Variants in MAN1C1 observed in about 807,000 individuals in gnomAD.
MAN1C1 encodes mannosidase alpha class 1C member 1, also known as mannosyl-oligosaccharide 1,2-alpha-mannosidase IC.
MAN1C1 carries 49 observed loss-of-function variants against 71.5 expected under a neutral mutation model. The observed-to-expected ratio is 0.69, with a 90% CI of 0.54 to 0.87. The LOEUF (loss-of-function observed/expected upper bound fraction) is 0.87. Ranked by LOEUF, MAN1C1 falls within the 40% of genes least tolerant of loss-of-function variation. The pLI, the probability that MAN1C1 is intolerant of heterozygous loss-of-function variation, is 0.00. For missense variants in MAN1C1, 743 were observed against 835.0 expected, an observed-to-expected ratio of 0.89 and a Z score of 1.36; for synonymous variants, 352 against 343.7, an observed-to-expected ratio of 1.02 and a Z score of -0.27.
intron 5 of MAN1C1, 49 bp from the exon 6 acceptor site, chr1:25,758,543 G>C (rs2047319083): frequency 6.7e-7 from 1 of 1,486,808 alleles, no homozygotes; most frequent in Admixed American, 2.0e-5. Context: ...CAGCAGAGGA[G>C]CCAGCCTGGC....
At chr1:25,705,100 G>A (rs1049145533) in intron 2 of MAN1C1, among the ~76,000 whole-genome samples, 10 of 151,924 alleles carry the variant, frequency 6.6e-5, no homozygotes, top group Non-Finnish European at 1.3e-4. Flanking sequence ...TACTCGATCC[G>A]TTTTTTTCTC....
rs1348762894 is a variant in MAN1C1, at chr1:25,769,993, C to T, written c.1142-1664C>T. 3.3e-5 allele frequency among the ~76,000 whole-genome samples: 5 copies of T among 152,166 alleles called. No homozygotes were observed. ...ATGAGGTGGGGAGGGTGCGCCACAC[C>T]GAGAGGTGACAGTGCTCGTAGCTGC... On this transcript the variant is annotated intron_variant, in intron 7 of 11. Coordinates refer to ENST00000374332, the MANE Select transcript of MAN1C1 (RefSeq NM_020379.4). This position sits in a 1 kb window ranked among gnomAD's most constrained non-coding sequence, Gnocchi z 4.8.
chr1:25,695,112 T>C (rs2046353724), intron 2 of MAN1C1, among the ~76,000 whole-genome samples: 1 of 152,130 alleles, frequency 6.6e-6, no homozygotes. Context: ...AAAAAATCCA[T>C]AGCTCCTGGA....
At chr1:25,659,062 A>G (rs1226130948) in intron 1 of MAN1C1, 1 of 152,406 alleles carries the variant, frequency 6.6e-6, no homozygotes, top group Non-Finnish European at 1.5e-5. Context: ...CTGAGGAAGG[A>G]CTGGAGCTGC....
chr1:25,766,730 G>T (rs1234924880), intron 7 of MAN1C1, among the ~76,000 whole-genome samples: 1 of 152,112 alleles, frequency 6.6e-6, no homozygotes, highest in African/African-American at 2.4e-5. Flanking sequence ...CCTGAGAGCT[G>T]CCGAGGAGGG....
chr1:25,745,246 C>A (rs1293598128), intron 2 of MAN1C1, among the ~76,000 whole-genome samples: 1 of 152,184 alleles, frequency 6.6e-6, no homozygotes, highest in Non-Finnish European at 1.5e-5. Context: ...AGGGGCCAGG[C>A]CTCGTAGCTG....
In MAN1C1 at chr1:25,778,349, GCAGGAGAGACTGAGGCTAGACAC is replaced by G; in HGVS notation, c.1477+31_1477+53del. 1 of 1,586,128 alleles carries G rather than the reference GCAGGAGAGACTGAGGCTAGACAC, an allele frequency of 6.3e-7. No homozygotes were observed. Among genetic ancestry groups the G allele is most frequent in the Non-Finnish European group, 8.6e-7 (1 of 1,162,376 alleles). On this transcript the variant is annotated intron_variant, in intron 9 of 11. Transcript: ENST00000374332. The surrounding 1 kb of genome is among the most constrained non-coding windows in gnomAD (Gnocchi z 5.5). ...GGTAACCCTGCAAGGGGAAGGGGCA[GCAGGAGAGACTGAGGCTAGACAC>G]CAGGAAGAACTGGAAAGACCGGCAG...
intron 1 of MAN1C1, among the ~76,000 whole-genome samples, chr1:25,672,387 G>A (rs1349777545): frequency 1.3e-5 from 2 of 152,296 alleles, no homozygotes; most frequent in Non-Finnish European, 2.9e-5. Flanking sequence ...ATCCTGAAAA[G>A]AATACTTTCC....
intron 2 of MAN1C1, among the ~76,000 whole-genome samples, chr1:25,722,819 T>C (rs1004119017): frequency 5.3e-5 from 8 of 152,216 alleles, no homozygotes; most frequent in Admixed American, 4.6e-4. Flanking sequence ...ATCTGTGTGG[T>C]GAGTGGGCTC....
chr1:25,783,005 A>C (rs1227398229), intron 11 of MAN1C1, among the ~76,000 whole-genome samples: 1 of 152,158 alleles, frequency 6.6e-6, no homozygotes, highest in Non-Finnish European at 1.5e-5. Flanking sequence ...CTCGTGTGTA[A>C]AATGGGATAG....
chr1:25,671,542 G>A (rs535676161), intron 1 of MAN1C1, among the ~76,000 whole-genome samples: 338 of 152,318 alleles, frequency 2.2e-3, no homozygotes, highest in Non-Finnish European at 4.3e-3. Context: ...ATAGGGGGCC[G>A]TAGGAGGATA....
chr1:25,719,198 G>A (rs1421015439), intron 2 of MAN1C1, among the ~76,000 whole-genome samples: 2 of 149,436 alleles, frequency 1.3e-5, no homozygotes, highest in Non-Finnish European at 3.0e-5. Flanking sequence ...TCAGCCTCCC[G>A]AGTAGCTGGG....
In MAN1C1 at chr1:25,764,139, G is replaced by A. The variant is rs1328266253; in HGVS notation, c.1141+172G>A. 1.3e-5 allele frequency among the ~76,000 whole-genome samples: 2 copies of A among 152,316 alleles called. No homozygotes were observed. Among genetic ancestry groups the A allele is most frequent in the South Asian group, 4.1e-4 (2 of 4,820 alleles). On this transcript the variant is annotated intron_variant, in intron 7 of 11. Transcript: ENST00000374332. The surrounding 1 kb of genome is among the most constrained non-coding windows in gnomAD (Gnocchi z 4.4). ...CACCTGCCTTCCCATGCATCCTGGG[G>A]GCTTGCCTGTGGTTGTCTGCTGCTG...
chr1:25,658,600 G>A (rs1234066751), intron 1 of MAN1C1, among the ~76,000 whole-genome samples: 1 of 152,138 alleles, frequency 6.6e-6, no homozygotes, highest in African/African-American at 2.4e-5. Flanking sequence ...ACAGGCGCAT[G>A]CCACCATACC....
chr1:25,777,948 AC>A (rs961141264), intron 8 of MAN1C1, among the ~76,000 whole-genome samples, 156 bp from the exon 9 acceptor site: 34 of 152,172 alleles, frequency 2.2e-4, no homozygotes, highest in Admixed American at 2.0e-4. Context: ...AGGCATCTTG[AC>A]CAGCAGAGAT....
intron 1 of MAN1C1, among the ~76,000 whole-genome samples, chr1:25,628,122 T>C (rs2045326190): frequency 6.6e-6 from 1 of 152,160 alleles, no homozygotes; most frequent in Non-Finnish European, 1.5e-5. Context: ...GGGTCTTTCA[T>C]TCTATGAATG....
intron 2 of MAN1C1, among the ~76,000 whole-genome samples, chr1:25,729,119 A>C (rs995183195): frequency 1.9e-4 from 29 of 152,188 alleles, no homozygotes; most frequent in African/African-American, 7.0e-4. Flanking sequence ...TAGAGACCAA[A>C]CCCCTTGGCC....
chr1:25,693,572 A>G (rs2046333831), intron 2 of MAN1C1, among the ~76,000 whole-genome samples: 1 of 152,228 alleles, frequency 6.6e-6, no homozygotes, highest in South Asian at 2.1e-4. Flanking sequence ...TGGAGATTAC[A>G]GTAAGCCGAG....
chr1:25,769,536 C>T lies in MAN1C1; in HGVS notation c.1142-2121C>T, dbSNP rs1249399259. ...CCCCTGCGTGCCCCTCCAGAGGAAG[C>T]CTGGACCTTGTCACGCACACACTCC... On this transcript the variant is annotated intron_variant, in intron 7 of 11. Transcript: ENST00000374332. The surrounding 1 kb of genome is among the most constrained non-coding windows in gnomAD (Gnocchi z 4.8). Among the ~76,000 whole-genome samples the T allele has an allele frequency of 6.6e-6, 1 of 152,136 alleles. No individual in the cohort carries two copies. Among genetic ancestry groups the T allele is most frequent in the Non-Finnish European group, 1.5e-5 (1 of 68,006 alleles).
Sources: allele counts gnomAD v4.1 joint callset (sites outside exome capture counted in the v4.1 genomes callset), GRCh38; gene constraint gnomAD v4.1.1; non-coding constraint Gnocchi (gnomAD v3.1); transcripts MANE v1.5; gene names NCBI Gene and HGNC (gene_info 2026-07-23, HGNC 2026-07-21).